The following REPS2 variants were observed in gnomAD, a reference collection of about 807,000 sequenced individuals.
The protein encoded by REPS2 is ralBP1-associated Eps domain-containing protein 2.
Under a neutral mutation model 53.6 loss-of-function variants are expected in REPS2, and 23 were observed. That is an observed-to-expected ratio of 0.43 (90% confidence interval 0.31 to 0.61). The LOEUF is 0.61. REPS2 is among the 20% of genes least tolerant of loss of function. REPS2 has a pLI of 0.11. For synonymous variants in REPS2, 238 were observed against 218.6 expected (o/e 1.09, Z -0.78); for missense variants, 446 against 534.9 (o/e 0.83, Z 1.64).
chrX:16,953,100 A>AAC (rs68090119), intron 1 of REPS2, among the ~76,000 whole-genome samples: 1,080 of 97,207 alleles, frequency 0.011, 4 homozygotes, highest in African/African-American at 0.011. Flanking sequence ...CCAAAAAACA[A>AAC]ACACACACAC....
At chrX:17,007,528 A>G (rs1462313843) in intron 2 of REPS2, among the ~76,000 whole-genome samples, 1 of 111,660 alleles carries the variant, frequency 9.0e-6, no homozygotes, top group African/African-American at 3.3e-5. Flanking sequence ...TGACCATGTG[A>G]TCCTGGCTGC....
At chrX:17,190,489 A>C in the REPS2 span, among the ~76,000 whole-genome samples, 1 of 112,287 alleles carries the variant, frequency 8.9e-6, no homozygotes, top group Non-Finnish European at 1.9e-5. Context: ...AACAAATGGG[A>C]ACACATACCA....
At chrX:16,981,750 A>G (rs2061021617) in intron 1 of REPS2, among the ~76,000 whole-genome samples, 1 of 112,458 alleles carries the variant, frequency 8.9e-6, no homozygotes, top group Admixed American at 9.4e-5. Context: ...AAGGATGACA[A>G]CAAAAACCAG....
intron 16 of REPS2, 27 bp downstream of exon 16, chrX:17,135,433 A>AG: frequency 8.4e-7 from 1 of 1,190,759 alleles, no homozygotes; most frequent in Middle Eastern, 2.4e-4. Context: ...AACAAGAGTG[A>AG]GGTAGGAATC....
intron 8 of REPS2, among the ~76,000 whole-genome samples, chrX:17,055,795 A>G (rs1439410934): frequency 1.2e-5 from 1 of 83,265 alleles, no homozygotes; most frequent in African/African-American, 4.6e-5. Context: ...CAATGAGATC[A>G]CTTGGACACA....
chrX:16,979,381 A>T (rs969619162), intron 1 of REPS2, among the ~76,000 whole-genome samples: 5 of 112,148 alleles, frequency 4.5e-5, no homozygotes, highest in African/African-American at 1.6e-4. Flanking sequence ...GGAGATTTTT[A>T]CTTACTTCAA....
At chrX:17,069,895 TC>T (rs2062280557) in intron 10 of REPS2, 44 bp from the exon 11 acceptor site, 4 of 819,474 alleles carry the variant, frequency 4.9e-6, no homozygotes, top group Admixed American at 3.6e-5. Flanking sequence ...TAATTTTTTT[TC>T]CTCTTTTCTC....
chrX:17,175,422 A>C, the REPS2 span, among the ~76,000 whole-genome samples: 1 of 112,650 alleles, frequency 8.9e-6, no homozygotes, highest in African/African-American at 3.2e-5. Flanking sequence ...CATCACTAGC[A>C]AAGGACAAAA....
At chrX:17,095,841 G>A (rs1391285523) in intron 13 of REPS2, among the ~76,000 whole-genome samples, 1 of 111,348 alleles carries the variant, frequency 9.0e-6, no homozygotes, top group Non-Finnish European at 1.9e-5. Context: ...AGAGGTGTTT[G>A]ATGCCACCAA....
chrX:17,043,267 T>C (rs983462851), intron 5 of REPS2, among the ~76,000 whole-genome samples: 2 of 111,427 alleles, frequency 1.8e-5, no homozygotes, highest in Admixed American at 1.9e-4. Context: ...TCTCCCTTTG[T>C]CCTAAGGCCT....
the REPS2 span, among the ~76,000 whole-genome samples, chrX:17,187,906 T>A: frequency 8.9e-6 from 1 of 112,954 alleles, no homozygotes; most frequent in African/African-American, 3.2e-5. Context: ...GTCCTGGTTT[T>A]ATGTTTTTTC....
At chrX:17,086,745 G>T (rs775677619) in intron 13 of REPS2, among the ~76,000 whole-genome samples, 1 of 112,656 alleles carries the variant, frequency 8.9e-6, no homozygotes, top group African/African-American at 3.2e-5. Context: ...TGAAGCTTGT[G>T]AGCTGAAGGA....
intron 2 of REPS2, among the ~76,000 whole-genome samples, chrX:17,007,874 T>C (rs1428700402): frequency 8.9e-6 from 1 of 112,235 alleles, no homozygotes; most frequent in African/African-American, 3.2e-5. Context: ...ATTTGAACTT[T>C]AGGGAGGTTG....
intron 1 of REPS2, among the ~76,000 whole-genome samples, chrX:16,973,752 T>C (rs1200137699): frequency 1.8e-5 from 2 of 111,346 alleles, no homozygotes; most frequent in African/African-American, 3.3e-5. Flanking sequence ...ATGTGCCTTA[T>C]GATTTTCTTT....
At chrX:17,140,879 T>A (rs986673776) in intron 17 of REPS2, among the ~76,000 whole-genome samples, 26 of 109,253 alleles carry the variant, frequency 2.4e-4, no homozygotes, top group Non-Finnish European at 3.8e-4. Flanking sequence ...CACACCATTC[T>A]TCTGGCTTAG....
chrX:17,187,729 A>G, the REPS2 span, among the ~76,000 whole-genome samples: 1 of 111,974 alleles, frequency 8.9e-6, no homozygotes, highest in Non-Finnish European at 1.9e-5. Flanking sequence ...CTTCTTTCCA[A>G]CCACCTTTCA....
chrX:16,965,157 T>C (rs2060734334), intron 1 of REPS2, among the ~76,000 whole-genome samples: 1 of 84,184 alleles, frequency 1.2e-5, no homozygotes, highest in African/African-American at 4.7e-5. Context: ...CCCACCTCCC[T>C]CCCGGACAGG....
intron 1 of REPS2, among the ~76,000 whole-genome samples, chrX:17,002,278 C>T (rs984365004): frequency 2.7e-5 from 3 of 111,063 alleles, no homozygotes; most frequent in Non-Finnish European, 3.8e-5. Context: ...CTGTGCATTG[C>T]TGCTCAGTTC....
At position 17,139,178 on chromosome X, in the gene REPS2, C is replaced by A. The variant is rs779821898; in HGVS notation, c.1914+217C>A. ...AGACTTGCCTCTTCGTTCTCAAACC[C>A]TTTTTGGAAGGTGGAGAATTACTGT... On this transcript the variant is annotated intron_variant, in intron 17 of 17. Transcript: ENST00000357277. Among the ~76,000 whole-genome samples the A allele has an allele frequency of 4.5e-5, 5 of 111,894 alleles. No homozygotes were observed. In the South Asian group the frequency reaches 1.9e-3, roughly 42 times the overall value.
Sources: allele counts gnomAD v4.1 joint callset (sites outside exome capture counted in the v4.1 genomes callset), GRCh38; gene constraint gnomAD v4.1.1; transcripts MANE v1.5; gene names NCBI Gene and HGNC (gene_info 2026-07-23, HGNC 2026-07-21).